Variants in SDR42E1 observed in about 807,000 individuals in gnomAD.
SDR42E1 encodes the protein short-chain dehydrogenase/reductase family 42E member 1.
In SDR42E1, 5 loss-of-function variants were observed where a neutral mutation model predicts 2.6. The observed-to-expected ratio is 1.94, with a 90% CI of 1.01 to 4.08. The LOEUF (loss-of-function observed/expected upper bound fraction) is 4.08. SDR42E1 is among the 30% of genes most tolerant of loss of function. SDR42E1 has a pLI of 0.00. For synonymous variants in SDR42E1, 231 were observed against 188.3 expected, an observed-to-expected ratio of 1.23 and a Z score of -1.86; for missense variants, 596 against 478.6, an observed-to-expected ratio of 1.25 and a Z score of -2.29.
chr16:82,007,164 T>G (rs934264261), intron 1 of SDR42E1, among the ~76,000 whole-genome samples: 1 of 152,270 alleles, frequency 6.6e-6, no homozygotes, highest in Non-Finnish European at 1.5e-5. Context: ...AAGGAATATC[T>G]AGCAGATTGT....
At position 81,999,541 on chromosome 16, in the gene SDR42E1, G is replaced by T. The variant is rs1912663972; in HGVS notation, c.752C>A (p.Pro251His). 6.2e-7 allele frequency: 1 copy of T among 1,614,040 alleles called. No individual in the cohort carries two copies. Among genetic ancestry groups the T allele is most frequent in the Non-Finnish European group, 8.5e-7 (1 of 1,180,042 alleles). Residue 251 changes from proline (P) to histidine (H), a missense_variant, in exon 3 of 3, where the codon CCC becomes CAC. Transcript: ENST00000328945. ...GGGTCTGCCATCTGAGATGAAGTAG[G>T]GCTGCCCAGAGGCAATATGGCCCTT... ...ADKGHIASGQPYFISDGRPVN... is the reference protein window; with the variant it reads ...ADKGHIASGQHYFISDGRPVN...
rs1016806595 is a variant in SDR42E1 at position 81,989,732 on chromosome 16, T to A, written c.*9379A>T. 1 of 152,254 alleles carries A rather than the reference T, an allele frequency of 6.6e-6. No individual in the cohort carries two copies. Among genetic ancestry groups the A allele is most frequent in the African/African-American group, 2.4e-5 (1 of 41,456 alleles). 9.4% of individuals were successfully genotyped at this position (152,254 alleles called of 1,614,324 possible). A position where few individuals can be genotyped will look rare whatever the true frequency, so the allele number is the denominator to read the frequency against. On this transcript the variant is annotated 3_prime_UTR_variant, in exon 3 of 3. Coordinates refer to ENST00000328945, the MANE Select transcript of SDR42E1 (RefSeq NM_145168.3). ...AATTGAGTAATTGAAAACCATGGTATCAAGCCTGTAATCCCAGCACTTTGG... is the reference window on the plus strand; with the variant it reads ...AATTGAGTAATTGAAAACCATGGTAACAAGCCTGTAATCCCAGCACTTTGG...
intron 1 of SDR42E1, among the ~76,000 whole-genome samples, chr16:82,011,101 GCCA>G (rs1379935586): frequency 1.3e-5 from 2 of 152,216 alleles, no homozygotes; most frequent in African/African-American, 4.8e-5. Flanking sequence ...AGTATAGCCA[GCCA>G]CCTGTGGAAA....
In SDR42E1 at chr16:81,999,340, T is replaced by G; in HGVS notation, c.953A>C (p.Lys318Thr). ...GCTAAAATAATGTGTGACACCAGTT[T>G]TGTAAACTTCAGTGCGAGTGAGGAA... is the stretch of plus-strand genomic sequence containing the variant. The part of the protein sequence containing the change: ...QPFLTRTEVY[K>T]TGVTHYFSLE... Residue 318 changes from lysine to threonine, a missense_variant, in exon 3 of 3, where the codon AAA becomes ACA. Coordinates refer to ENST00000328945, the MANE Select transcript of SDR42E1 (RefSeq NM_145168.3). The G allele has an allele frequency of 6.2e-7, 1 of 1,614,224 alleles. No individual in the cohort carries two copies. The highest frequency in any genetic ancestry group is 1.6e-4 in the Middle Eastern group (1 of 6,062).
Position 81,999,977 on chromosome 16 carries a change from T to A in SDR42E1, c.316A>T (p.Ile106Phe). The change falls in exon 3 of 3, where the codon ATC (isoleucine) becomes TTC (phenylalanine). Residue 106 changes from isoleucine to phenylalanine, a missense_variant. By Grantham distance (21) the Ile-to-Phe change is conservative. Transcript: ENST00000328945. ...KEVNVRGTDN[I>F]LQVCQRRRVP... The stretch of plus-strand genomic sequence containing the variant: ...CTTCTCCTTTGGCAAACCTGGAGGA[T>A]GTTGTCTGTGCCCCTGACGTTGACT... The A allele has an allele frequency of 1.9e-6, 3 of 1,614,218 alleles. No homozygotes were observed. The highest frequency in any genetic ancestry group is 8.5e-7 in the Non-Finnish European group (1 of 1,180,026).
chr16:82,001,006 T>C lies in SDR42E1; in HGVS notation c.-26-122A>G, dbSNP rs58305246. ...GTAGAATGAAAAGGTGAGGTCTGGG[T>C]CTGGTCACAGCTGTGTCATTTAGCT... On this transcript the variant is annotated intron_variant, in intron 1 of 2. Coordinates refer to ENST00000328945, the MANE Select transcript of SDR42E1 (RefSeq NM_145168.3). The C allele has an allele frequency of 9.6e-3, 5,978 of 624,744 alleles. 291 individuals carry two copies. The African/African-American group carries it at 0.1, about 11-fold the overall frequency. The allele number at this position is 624,744 out of a possible 1,614,324, so 38.7% of individuals were successfully genotyped here.
intron 1 of SDR42E1, among the ~76,000 whole-genome samples, chr16:82,003,031 T>G (rs1912818719): frequency 6.6e-6 from 1 of 152,180 alleles, no homozygotes; most frequent in South Asian, 2.1e-4. Context: ...GTATTAAGAC[T>G]GCCAATGAAG....
rs1350561375 is a variant in SDR42E1 at position 81,993,001 on chromosome 16, G to A, written c.*6110C>T. Reference sequence around the variant, plus strand: ...CAGGTAACCAGGCACAACAAGATGTGTTGCCAAAGAATCCCTTTGGCTCAA... The same window carrying A: ...CAGGTAACCAGGCACAACAAGATGTATTGCCAAAGAATCCCTTTGGCTCAA... On this transcript the variant is annotated 3_prime_UTR_variant, in exon 3 of 3. Transcript: ENST00000328945. 6.6e-6 allele frequency: 1 copy of A among 152,166 alleles called. No individual in the cohort carries two copies. The highest frequency in any genetic ancestry group is 2.4e-5 in the African/African-American group (1 of 41,432). The allele number at this position is 152,166 out of a possible 1,614,324, so 9.4% of individuals were successfully genotyped here.
chr16:82,000,790 C>T lies in SDR42E1; in HGVS notation c.68+1G>A, dbSNP rs747240899. On this transcript the variant is annotated splice_donor_variant, in intron 2 of 2. Transcript: ENST00000328945. LOFTEE classifies it high-confidence loss of function. ...TGTGTATATTTTATAGATACACTTA[C>T]CGAAAACCAAAATAGCCACTTCCTC... The T allele has an allele frequency of 1.2e-6, 2 of 1,611,758 alleles. No individual in the cohort carries two copies. Among genetic ancestry groups the T allele is most frequent in the East Asian group, 4.5e-5 (2 of 44,852 alleles).
Position 81,995,510 on chromosome 16 carries a change from A to T in SDR42E1, c.*3601T>A, listed in dbSNP as rs546631846. 5 of 152,324 alleles carry T rather than the reference A, an allele frequency of 3.3e-5. No individual in the cohort carries two copies. The highest frequency in any genetic ancestry group is 3.3e-4 in the Admixed American group (5 of 15,294). 9.4% of individuals were successfully genotyped at this position (152,324 alleles called of 1,614,324 possible). ...ATCACTTGGCCCACATTCCTTCCCC[A>T]TTCCCTGACCTCCTTATAGCATTAA... On this transcript the variant is annotated 3_prime_UTR_variant, in exon 3 of 3. Coordinates refer to ENST00000328945, the MANE Select transcript of SDR42E1 (RefSeq NM_145168.3).
Position 81,991,311 on chromosome 16 carries a change from T to A in SDR42E1, c.*7800A>T, listed in dbSNP as rs893506202. The A allele has an allele frequency of 6.6e-6, 1 of 152,246 alleles. No individual in the cohort carries two copies. The highest frequency in any genetic ancestry group is 1.5e-5 in the Non-Finnish European group (1 of 68,050). The allele number at this position is 152,246 out of a possible 1,614,324, so 9.4% of individuals were successfully genotyped here. On this transcript the variant is annotated 3_prime_UTR_variant, in exon 3 of 3. Transcript: ENST00000328945. ...TAGTTTGTGTAGCAGAAGTCACTAT[T>A]TACAGTTACTCATTTTTTGTAACAA...
chr16:82,008,767 A>T (rs1319453340), intron 1 of SDR42E1, among the ~76,000 whole-genome samples: 3 of 152,266 alleles, frequency 2.0e-5, no homozygotes, highest in African/African-American at 7.2e-5. Context: ...CTGGCTGCAG[A>T]AATTTGCATA....
rs1181960372 is a variant in SDR42E1 at position 81,999,104 on chromosome 16, C to T, written c.*7G>A. 6.2e-7 allele frequency: 1 copy of T among 1,610,320 alleles called. No individual in the cohort carries two copies. Among genetic ancestry groups the T allele is most frequent in the African/African-American group, 1.3e-5 (1 of 74,842 alleles). On this transcript the variant is annotated 3_prime_UTR_variant, in exon 3 of 3. Coordinates refer to ENST00000328945, the MANE Select transcript of SDR42E1 (RefSeq NM_145168.3). ...CAACTGTGATCACCTTATTTCTGGC[C>T]CCTCCTTCACAGTGACAGAATCACA...
intron 1 of SDR42E1, among the ~76,000 whole-genome samples, chr16:82,002,438 C>T (rs1912800311): frequency 1.3e-5 from 2 of 152,166 alleles, no homozygotes; most frequent in Admixed American, 1.3e-4. Context: ...GAAATAATAA[C>T]AACAAACACA....
Position 81,999,327 on chromosome 16 carries a change from T to C in SDR42E1, c.966A>G (p.Thr322=). 1 of 1,614,230 alleles carries C rather than the reference T, an allele frequency of 6.2e-7. No homozygotes were observed. The part of the protein sequence containing the change: ...TRTEVYKTGV[T]HYFSLEKAKK... ...TGGCTTTCTCTAAGCTAAAATAATGTGTGACACCAGTTTTGTAAACTTCAG... is the reference window on the plus strand; with the variant it reads ...TGGCTTTCTCTAAGCTAAAATAATGCGTGACACCAGTTTTGTAAACTTCAG... The change falls in exon 3 of 3, where the codon ACA becomes ACG. Residue 322 remains threonine (T), a synonymous_variant. Coordinates refer to ENST00000328945, the MANE Select transcript of SDR42E1 (RefSeq NM_145168.3).
In SDR42E1 at chr16:81,994,203, C is replaced by T. The variant is rs1257752463; in HGVS notation, c.*4908G>A. ...GTCCCGCAGGCAGCGTTACGGAACC[C>T]CAGTGTAGTCACCAGGACCTCCTCC... On this transcript the variant is annotated 3_prime_UTR_variant, in exon 3 of 3. Coordinates refer to ENST00000328945, the MANE Select transcript of SDR42E1 (RefSeq NM_145168.3). 1 of 152,206 alleles carries T rather than the reference C, an allele frequency of 6.6e-6. No homozygotes were observed. The highest frequency in any genetic ancestry group is 1.5e-5 in the Non-Finnish European group (1 of 68,080). The allele number at this position is 152,206 out of a possible 1,614,324, so 9.4% of individuals were successfully genotyped here.
At chr16:82,000,291 A>G (rs1225448114) in intron 2 of SDR42E1, 67 bp from the exon 3 acceptor site, 8 of 1,584,144 alleles carry the variant, frequency 5.1e-6, no homozygotes, top group Non-Finnish European at 3.4e-6. Flanking sequence ...AAGTGTATAA[A>G]GTAATTTACC....
chr16:82,009,297 C>G (rs1157617031), intron 1 of SDR42E1, among the ~76,000 whole-genome samples: 1 of 152,200 alleles, frequency 6.6e-6, no homozygotes, highest in Non-Finnish European at 1.5e-5. Flanking sequence ...ATCCTCCAGA[C>G]CCCAGAATGG....
chr16:82,004,372 C>T (rs910252543), intron 1 of SDR42E1, among the ~76,000 whole-genome samples: 6 of 152,158 alleles, frequency 3.9e-5, no homozygotes, highest in Admixed American at 2.0e-4. Flanking sequence ...CTGTGCTGGG[C>T]AGCTAACATG....
Sources: allele counts gnomAD v4.1 joint callset (sites outside exome capture counted in the v4.1 genomes callset), GRCh38; gene constraint gnomAD v4.1.1; transcripts MANE v1.5; gene names NCBI Gene and HGNC (gene_info 2026-07-23, HGNC 2026-07-21).